The following KCNQ1 variants were observed in gnomAD, a reference collection of about 807,000 sequenced individuals.
KCNQ1 encodes potassium voltage-gated channel subfamily Q member 1, also known as potassium voltage-gated channel subfamily KQT member 1.
In KCNQ1, 49 loss-of-function variants were observed where a neutral mutation model predicts 72.4. The ratio of observed to expected loss-of-function variants is 0.68; its 90% confidence interval spans 0.54 to 0.86. The LOEUF (loss-of-function observed/expected upper bound fraction) is 0.86. Ranked by LOEUF, KCNQ1 falls within the 40% of genes least tolerant of loss-of-function variation. KCNQ1 has a pLI of 0.00. For missense variants in KCNQ1, 790 were observed against 945.1 expected, an observed-to-expected ratio of 0.84 and a Z score of 2.15; for synonymous variants, 450 against 412.6, an observed-to-expected ratio of 1.09 and a Z score of -1.10.
At chr11:2,825,565 C>T (rs1045747918) in intron 15 of KCNQ1, among the ~76,000 whole-genome samples, 3 of 151,968 alleles carry the variant, frequency 2.0e-5, no homozygotes, top group Admixed American at 6.5e-5. Flanking sequence ...GGTTAGATGT[C>T]GTCGTCTTCA....
At chr11:2,667,198 C>T (rs537626198) in intron 11 of KCNQ1, 3 of 398,610 alleles carry the variant, frequency 7.5e-6, no homozygotes, top group Non-Finnish European at 1.3e-5. Context: ...CTGTGGCGGC[C>T]CCCCGTGGCC....
intron 15 of KCNQ1, among the ~76,000 whole-genome samples, chr11:2,797,120 C>G (rs1399401247): frequency 6.6e-6 from 1 of 152,194 alleles, no homozygotes; most frequent in Non-Finnish European, 1.5e-5. Flanking sequence ...TTTACGAGGA[C>G]TCGGCCCAGA....
Position 2,681,729 on chromosome 11 carries a change from TGGGCACTGATCACACACCA to T in KCNQ1, c.1514+19657_1514+19675del, listed in dbSNP as rs946153895. On this transcript the variant is annotated intron_variant, in intron 11 of 15. Transcript: ENST00000155840. ...GTGTCTGTTCCTCTATTCAGTATTGTGGGCACTGATCACACACCAGGGCACTGTGGGGGCCCTGGGACCT... is the reference window on the plus strand; with the variant it reads ...GTGTCTGTTCCTCTATTCAGTATTGTGGGCACTGTGGGGGCCCTGGGACCT... 4 of 398,182 alleles carry T rather than the reference TGGGCACTGATCACACACCA, an allele frequency of 1.0e-5. No homozygotes were observed. The Admixed American group carries it at 1.8e-4, about 18-fold the overall frequency. The allele number at this position is 398,182 out of a possible 1,614,324, so 24.7% of individuals were successfully genotyped here.
chr11:2,698,915 T>C lies in KCNQ1; in HGVS notation c.1514+36834T>C. ...AACTCAGGCAAACTCCCAGCCAGGA[T>C]GTGGACCCTAGACCCGAATTCTGAT... On this transcript the variant is annotated intron_variant, in intron 11 of 15. Transcript: ENST00000155840. The surrounding 1 kb of genome is among the most constrained non-coding windows in gnomAD (Gnocchi z 5.1). 5.0e-6 allele frequency: 2 copies of C among 398,726 alleles called. No individual in the cohort carries two copies. The highest frequency in any genetic ancestry group is 8.8e-6 in the Non-Finnish European group (2 of 226,152). The allele number at this position is 398,726 out of a possible 1,614,324, so 24.7% of individuals were successfully genotyped here. A position where few individuals can be genotyped will look rare whatever the true frequency, so the allele number is the denominator to read the frequency against.
chr11:2,584,525 G>GTA (rs1491387446), intron 7 of KCNQ1, among the ~76,000 whole-genome samples: 12,012 of 148,160 alleles, frequency 0.081, 583 homozygotes, highest in East Asian at 0.17. Context: ...TTGTGTGTTA[G>GTA]TGTGTGTGTT....
chr11:2,681,559 G>A, intron 11 of KCNQ1: 1 of 398,430 alleles, frequency 2.5e-6, no homozygotes, highest in Middle Eastern at 6.3e-4. Flanking sequence ...CCCTTTTCTA[G>A]AGTAACTTCC....
chr11:2,837,081 C>T lies in KCNQ1; in HGVS notation c.1795-10686C>T, dbSNP rs149496359. Among the ~76,000 whole-genome samples the T allele has an allele frequency of 1.1e-3, 172 of 152,230 alleles. 3 individuals are homozygous for T. In the East Asian group the frequency reaches 0.013, roughly 12 times the overall value. On this transcript the variant is annotated intron_variant, in intron 15 of 15. Transcript: ENST00000155840. ...ATGGCAGCCCTCTCCTGGGGATGGGCAGGATGGGGCACGTAGGGCGGAGGA... is the reference window on the plus strand; with the variant it reads ...ATGGCAGCCCTCTCCTGGGGATGGGTAGGATGGGGCACGTAGGGCGGAGGA...
intron 1 of KCNQ1, among the ~76,000 whole-genome samples, chr11:2,480,975 G>A (rs1049416520): frequency 6.6e-6 from 1 of 152,182 alleles, no homozygotes; most frequent in Non-Finnish European, 1.5e-5. Flanking sequence ...AGCAGAGCAC[G>A]TTTGGGAGTT....
rs375221055 is a variant in KCNQ1 at position 2,497,916 on chromosome 11, G to C, written c.387-30012G>C. Among the ~76,000 whole-genome samples, 11 of 152,272 alleles carry C rather than the reference G, an allele frequency of 7.2e-5. No individual in the cohort carries two copies. Among genetic ancestry groups the C allele is most frequent in the Admixed American group, 3.3e-4 (5 of 15,290 alleles). On this transcript the variant is annotated intron_variant, in intron 1 of 15. Transcript: ENST00000155840. This position sits in a 1 kb window ranked among gnomAD's most constrained non-coding sequence, Gnocchi z 4.5. ...TTCTGTTTGCTAGCTTTTCTTCTAA[G>C]AGTCAAGCCTGCAGTCCTGCAGGTC...
rs1208104996 is a variant in KCNQ1 at position 2,508,508 on chromosome 11, G to A, written c.387-19420G>A. 6.6e-6 allele frequency among the ~76,000 whole-genome samples: 1 copy of A among 152,006 alleles called. No homozygotes were observed. Among genetic ancestry groups the A allele is most frequent in the Non-Finnish European group, 1.5e-5 (1 of 67,980 alleles). On this transcript the variant is annotated intron_variant, in intron 1 of 15. Coordinates refer to ENST00000155840, the MANE Select transcript of KCNQ1 (RefSeq NM_000218.3). This position sits in a 1 kb window ranked among gnomAD's most constrained non-coding sequence, Gnocchi z 6.2. ...GTGTCCCATCTGTCATGCAGAGAGGGTGATGATATAACCAGCTGGGTGTTC... is the reference window on the plus strand; with the variant it reads ...GTGTCCCATCTGTCATGCAGAGAGGATGATGATATAACCAGCTGGGTGTTC...
chr11:2,456,373 T>C (rs955296497), intron 1 of KCNQ1, among the ~76,000 whole-genome samples: 5 of 150,980 alleles, frequency 3.3e-5, no homozygotes, highest in African/African-American at 9.7e-5. Context: ...TGGAAGAAAA[T>C]AGTCTTCTCA....
chr11:2,661,636 A>C lies in KCNQ1; in HGVS notation c.1394-325A>C, dbSNP rs1849958049. ...TCACCTCTGTTTTATTCTTGACCCA[A>C]GTGTCAGTTGTGAACATGGGAAGAG... On this transcript the variant is annotated intron_variant, in intron 10 of 15. Transcript: ENST00000155840. This position sits in a 1 kb window ranked among gnomAD's most constrained non-coding sequence, Gnocchi z 5.9. 2 of 590,982 alleles carry C rather than the reference A, an allele frequency of 3.4e-6. No homozygotes were observed. Among genetic ancestry groups the C allele is most frequent in the Non-Finnish European group, 6.0e-6 (2 of 331,728 alleles). The allele number at this position is 590,982 out of a possible 1,614,324, so 36.6% of individuals were successfully genotyped here. A position where few individuals can be genotyped will look rare whatever the true frequency, so the allele number is the denominator to read the frequency against.
rs2133982136 is a variant in KCNQ1 at position 2,769,740 on chromosome 11, C to A, written c.1590+821C>A. Among the ~76,000 whole-genome samples the A allele has an allele frequency of 6.6e-6, 1 of 152,240 alleles. No homozygotes were observed. Among genetic ancestry groups the A allele is most frequent in the Admixed American group, 6.5e-5 (1 of 15,302 alleles). On this transcript the variant is annotated intron_variant, in intron 12 of 15. Transcript: ENST00000155840. The surrounding 1 kb of genome is among the most constrained non-coding windows in gnomAD (Gnocchi z 4.6). ...GCAGGGAAGGCTGGGGGGTGACTTG[C>A]CTGAGTCCCTTGGAGCGGGGGGCGT...
intron 10 of KCNQ1, among the ~76,000 whole-genome samples, chr11:2,605,583 A>C (rs187289891): frequency 1.1e-4 from 16 of 152,336 alleles, no homozygotes; most frequent in Admixed American, 7.8e-4. Flanking sequence ...CTTGTCAAAA[A>C]TCAATTGACC....
intron 15 of KCNQ1, among the ~76,000 whole-genome samples, chr11:2,805,826 C>A (rs991132357): frequency 6.6e-6 from 1 of 152,206 alleles, no homozygotes; most frequent in South Asian, 2.1e-4. Flanking sequence ...GCTCTGATGA[C>A]ACGTATCACG....
Position 2,723,153 on chromosome 11 carries a change from G to A in KCNQ1, c.1515-45691G>A, listed in dbSNP as rs1370473871. Among the ~76,000 whole-genome samples the A allele has an allele frequency of 6.6e-6, 1 of 152,212 alleles. No individual in the cohort carries two copies. Among genetic ancestry groups the A allele is most frequent in the African/African-American group, 2.4e-5 (1 of 41,444 alleles). ...GTGGCTCTGCCTTCCTCTTGGCTCC[G>A]CCTTCCTCCGTGGTGGCCTGAGAGG... On this transcript the variant is annotated intron_variant, in intron 11 of 15. Coordinates refer to ENST00000155840, the MANE Select transcript of KCNQ1 (RefSeq NM_000218.3). This position sits in a 1 kb window ranked among gnomAD's most constrained non-coding sequence, Gnocchi z 4.2.
chr11:2,752,055 G>A lies in KCNQ1; in HGVS notation c.1515-16789G>A, dbSNP rs1846235104. The stretch of plus-strand genomic sequence containing the variant: ...TGCCCTGTCCTCCCCACGCCCTGAG[G>A]GGCCGTCCTAGGCAGCACTCACCCT... On this transcript the variant is annotated intron_variant, in intron 11 of 15. Coordinates refer to ENST00000155840, the MANE Select transcript of KCNQ1 (RefSeq NM_000218.3). The surrounding 1 kb of genome is among the most constrained non-coding windows in gnomAD (Gnocchi z 5.2). Among the ~76,000 whole-genome samples, 1 of 152,228 alleles carries A rather than the reference G, an allele frequency of 6.6e-6. No individual in the cohort carries two copies. The highest frequency in any genetic ancestry group is 2.1e-4 in the South Asian group (1 of 4,830).
chr11:2,610,119 G>A (rs1848954812), intron 10 of KCNQ1: 1 of 397,510 alleles, frequency 2.5e-6, no homozygotes, highest in Non-Finnish European at 4.4e-6. Context: ...TTTCCATCTA[G>A]TGACTACTTT....
chr11:2,844,468 A>C (rs1848279335), intron 15 of KCNQ1, among the ~76,000 whole-genome samples: 1 of 152,330 alleles, frequency 6.6e-6, no homozygotes, highest in African/African-American at 2.4e-5. Flanking sequence ...AGCCAGAGCC[A>C]GGCATGGGCT....
Sources: allele counts gnomAD v4.1 joint callset (sites outside exome capture counted in the v4.1 genomes callset), GRCh38; gene constraint gnomAD v4.1.1; non-coding constraint Gnocchi (gnomAD v3.1); transcripts MANE v1.5; gene names NCBI Gene and HGNC (gene_info 2026-07-23, HGNC 2026-07-21).